COQ8A: variants seen among roughly 807,000 people sequenced by gnomAD.
The protein encoded by COQ8A is atypical kinase COQ8A, mitochondrial.
In COQ8A, 51 loss-of-function variants were observed where a neutral mutation model predicts 65.0. The ratio of observed to expected loss-of-function variants is 0.78; its 90% CI spans 0.63 to 0.99. The LOEUF (loss-of-function observed/expected upper bound fraction) is 0.99. Ranked by LOEUF, COQ8A falls within the 50% of genes least tolerant of loss-of-function variation. The probability of loss-of-function intolerance (pLI) is 0.00; values close to 1 mark genes in which losing one functional copy is unlikely to be tolerated. For synonymous variants in COQ8A, 371 were observed against 353.2 expected (o/e 1.05, Z -0.57); for missense variants, 940 against 875.0 (o/e 1.07, Z -0.94).
At chr1:226,954,254 G>A (rs1888827) in intron 1 of COQ8A, among the ~76,000 whole-genome samples, 37,760 of 152,254 alleles carry the variant, frequency 0.25, 4,753 homozygotes, top group African/African-American at 0.31. Flanking sequence ...AAAAGAAGGG[G>A]CAGGTGGAAG....
At chr1:226,952,436 C>T (rs1293819742) in intron 1 of COQ8A, among the ~76,000 whole-genome samples, 3 of 151,780 alleles carry the variant, frequency 2.0e-5, no homozygotes, top group African/African-American at 7.3e-5. Flanking sequence ...TTTTTTGAGA[C>T]AGGTCTTCTT....
In COQ8A at chr1:226,943,249, G is replaced by A. The variant is rs371785526; in HGVS notation, c.-10+2850G>A. Among the ~76,000 whole-genome samples, 260 of 152,338 alleles carry A rather than the reference G, an allele frequency of 1.7e-3. 3 individuals carry two copies. Among genetic ancestry groups the A allele is most frequent in the African/African-American group, 5.9e-3 (245 of 41,578 alleles). On this transcript the variant is annotated intron_variant, in intron 1 of 14. Transcript: ENST00000366777. ...GGACACTGAGTCATTATCTTTGTCC[G>A]TTGAAACAAGAGCTGTGTGCAAAAT...
chr1:226,961,144 A>C (rs574878058), intron 1 of COQ8A, among the ~76,000 whole-genome samples: 1 of 152,288 alleles, frequency 6.6e-6, no homozygotes, highest in African/African-American at 2.4e-5. Context: ...AGCAGCAAGC[A>C]CACCGCACCA....
chr1:226,976,056 C>G (rs4570388), intron 4 of COQ8A, among the ~76,000 whole-genome samples: 2 of 150,810 alleles, frequency 1.3e-5, no homozygotes, highest in African/African-American at 2.4e-5. Flanking sequence ...GCCTGGCTGC[C>G]GGGCAGTGGG....
In COQ8A at chr1:226,965,700, G is replaced by A. The variant is rs115855910; in HGVS notation, c.618G>A (p.Val206=). 789 of 1,614,054 alleles carry A rather than the reference G, an allele frequency of 4.9e-4. 6 individuals carry two copies. The African/African-American group carries it at 9.1e-3, about 19-fold the overall frequency. Residue 206 remains valine (V), a synonymous_variant, in exon 4 of 15, where the codon GTG becomes GTA. Transcript: ENST00000366777. ...GCGAGCATGCCCGGGAGCGGAAGGTGCCTGTGACGAGGATTGGCCGGCTGG... is the reference window on the plus strand; with the variant it reads ...GCGAGCATGCCCGGGAGCGGAAGGTACCTGTGACGAGGATTGGCCGGCTGG... ...TLSEHARERK[V]PVTRIGRLAN...
At chr1:226,983,673 G>A in intron 9 of COQ8A, 40 bp downstream of exon 9, 1 of 1,612,498 alleles carries the variant, frequency 6.2e-7, no homozygotes. Flanking sequence ...AGGAGTGGGT[G>A]GCAGGCATCT....
intron 3 of COQ8A, 100 bp from the exon 4 acceptor site, chr1:226,965,571 A>C: frequency 6.6e-7 from 1 of 1,521,250 alleles, no homozygotes. Flanking sequence ...GGAGCTGCTG[A>C]CTGTGGGGTG....
intron 3 of COQ8A, 130 bp from the exon 4 acceptor site, chr1:226,965,541 G>T: frequency 6.7e-7 from 1 of 1,498,194 alleles, no homozygotes; most frequent in East Asian, 2.3e-5. Context: ...GCCTTCTCTT[G>T]GTGGAGTGTG....
rs768791705 is a variant in COQ8A at position 226,986,672 on chromosome 1, T to C, written c.1879T>C (p.Phe627Leu). 16 of 1,613,990 alleles carry C rather than the reference T, an allele frequency of 9.9e-6. No homozygotes were observed. In the Admixed American group the frequency reaches 2.7e-4, roughly 27 times the overall value. Residue 627 changes from phenylalanine to leucine, a missense_variant, in exon 15 of 15, where the codon TTC (phenylalanine) becomes CTC (leucine). Physicochemically the swap from Phe to Leu is conservative, Grantham distance 22. Coordinates refer to ENST00000366777, the MANE Select transcript of COQ8A (RefSeq NM_020247.5). Reference protein sequence around the residue: ...FLICSKLKARFPCKAMFEEAY... With the variant: ...FLICSKLKARLPCKAMFEEAY... ...CATCTGCTCCAAGCTGAAGGCCCGC[T>C]TCCCCTGCAAGGCCATGTTCGAGGA...
intron 5 of COQ8A, among the ~76,000 whole-genome samples, chr1:226,978,149 C>T (rs565453633): frequency 1.5e-4 from 22 of 150,274 alleles, no homozygotes; most frequent in Admixed American, 3.3e-4. Flanking sequence ...ACACATCTTA[C>T]CCTCCACACA....
Position 226,984,176 on chromosome 1 carries a change from C to A in COQ8A, c.1339C>A (p.Leu447Met). The change falls in exon 11 of 15, where the codon CTG becomes ATG. Residue 447 changes from leucine (L) to methionine (M), a missense_variant. By Grantham distance (15) the Leu-to-Met change is conservative. Coordinates refer to ENST00000366777, the MANE Select transcript of COQ8A (RefSeq NM_020247.5). ...CAGCCCACATGTGCTGACCACAGAGCTGGTGTCTGGCTTCCCCCTGGACCA... is the reference window on the plus strand; with the variant it reads ...CAGCCCACATGTGCTGACCACAGAGATGGTGTCTGGCTTCCCCCTGGACCA... Reference protein sequence around the residue: ...LCSPHVLTTELVSGFPLDQAE... With the variant: ...LCSPHVLTTEMVSGFPLDQAE... 2 of 1,613,878 alleles carry A rather than the reference C, an allele frequency of 1.2e-6. No homozygotes were observed.
At chr1:226,955,418 C>CTGCCACTCTCCCTGGT (rs1657633399) in intron 1 of COQ8A, among the ~76,000 whole-genome samples, 1 of 143,616 alleles carries the variant, frequency 7.0e-6, no homozygotes, top group African/African-American at 2.6e-5. Flanking sequence ...CTCTCCCTGG[C>CTGCCACTCTCCCTGGT]TGCCACTCTC....
chr1:226,977,398 G>A lies in COQ8A; in HGVS notation c.656-51G>A. On this transcript the variant is annotated intron_variant, in intron 4 of 14. Coordinates refer to ENST00000366777, the MANE Select transcript of COQ8A (RefSeq NM_020247.5). ...CCAGGCCTTGTGGGTGGGCGAGCGG[G>A]TGGCCCCAGCCCTGCGTGAGCACTG... is the stretch of plus-strand genomic sequence containing the variant. 5 of 1,530,782 alleles carry A rather than the reference G, an allele frequency of 3.3e-6. No individual in the cohort carries two copies. In the East Asian group the frequency reaches 1.2e-4, roughly 38 times the overall value. 94.8% of individuals were successfully genotyped at this position (1,530,782 alleles called of 1,614,324 possible).
Position 226,983,768 on chromosome 1 carries a change from C to A in COQ8A, c.1170C>A (p.Phe390Leu), listed in dbSNP as rs762853525. Residue 390 changes from phenylalanine (F) to leucine (L), a missense_variant, in exon 10 of 15, where the codon TTC (phenylalanine) becomes TTA (leucine). Phe to Leu is a conservative substitution (Grantham distance 22). Transcript: ENST00000366777. Reference sequence around the variant, plus strand: ...CCCTCCTCCCTGGCCCAGGCCTGTTCCCCGAGCACCTGATCGACGTGCTGA... The same window carrying A: ...CCCTCCTCCCTGGCCCAGGCCTGTTACCCGAGCACCTGATCGACGTGCTGA... ...NMSNMLPEGL[F>L]PEHLIDVLRR... 6.2e-7 allele frequency: 1 copy of A among 1,613,100 alleles called. No individual in the cohort carries two copies. Among genetic ancestry groups the A allele is most frequent in the East Asian group, 2.2e-5 (1 of 44,870 alleles).
chr1:226,982,833 G>T (rs1659787904), intron 7 of COQ8A, 61 bp from the exon 8 acceptor site: 1 of 1,612,696 alleles, frequency 6.2e-7, no homozygotes, highest in East Asian at 2.2e-5. Flanking sequence ...ACAGACTTGG[G>T]GCTTCTCCCG....
chr1:226,970,446 T>G (rs1326150347), intron 4 of COQ8A, among the ~76,000 whole-genome samples: 1 of 152,214 alleles, frequency 6.6e-6, no homozygotes, highest in Non-Finnish European at 1.5e-5. Flanking sequence ...ATACAGTAGA[T>G]AACTGTAATA....
At chr1:226,968,525 C>T (rs911785632) in intron 4 of COQ8A, among the ~76,000 whole-genome samples, 4 of 152,168 alleles carry the variant, frequency 2.6e-5, no homozygotes, top group Non-Finnish European at 5.9e-5. Context: ...TTTGTAGTTG[C>T]ACTGTTGCGC....
chr1:226,985,363 C>T (rs1660033629), intron 14 of COQ8A, 23 bp downstream of exon 14: 1 of 1,611,640 alleles, frequency 6.2e-7, no homozygotes, highest in African/African-American at 1.3e-5. Flanking sequence ...GCGGGGGATC[C>T]CCTGGGCCTG....
rs993149733 is a variant in COQ8A, at chr1:226,946,144, T to C, written c.-10+5745T>C. 2.6e-5 allele frequency among the ~76,000 whole-genome samples: 4 copies of C among 152,008 alleles called. No homozygotes were observed. Among genetic ancestry groups the C allele is most frequent in the African/African-American group, 9.7e-5 (4 of 41,388 alleles). On this transcript the variant is annotated intron_variant, in intron 1 of 14. Coordinates refer to ENST00000366777, the MANE Select transcript of COQ8A (RefSeq NM_020247.5). This position sits in a 1 kb window ranked among gnomAD's most constrained non-coding sequence, Gnocchi z 5.3. ...CCAGACCCCGTTGGGGGTACAGAAC[T>C]GGGAAAGAGAGGGCCCCTCCCTCCG...
Sources: gnomAD v4.1 joint callset for allele counts (sites outside exome capture counted in the v4.1 genomes callset) on GRCh38, gnomAD v4.1.1 for gene constraint, Gnocchi (gnomAD v3.1) non-coding constraint, MANE v1.5 for transcripts, NCBI Gene and HGNC (gene_info 2026-07-23, HGNC 2026-07-21) for gene names.